MEIOB: variants seen among roughly 807,000 people sequenced by gnomAD.
MEIOB encodes the protein meiosis-specific with OB domain-containing protein.
In MEIOB, 50 loss-of-function variants were observed where a neutral mutation model predicts 53.1. The observed-to-expected ratio is 0.94, with a 90% CI of 0.75 to 1.19. The LOEUF (loss-of-function observed/expected upper bound fraction) is 1.19. Among genes scored for constraint, MEIOB ranks in the 50% most tolerant of loss-of-function variants. The pLI is 0.00. For synonymous variants in MEIOB, 192 were observed against 182.5 expected (o/e 1.05, Z -0.42); for missense variants, 551 against 550.8 (o/e 1.00, Z 0.00).
intron 1 of MEIOB, among the ~76,000 whole-genome samples, chr16:1,871,455 G>A (rs1212329680): frequency 2.3e-5 from 3 of 131,092 alleles, no homozygotes; most frequent in Non-Finnish European, 4.8e-5. Context: ...TCCTGACCTC[G>A]TGATCCACCC....
intron 1 of MEIOB, among the ~76,000 whole-genome samples, chr16:1,871,496 GGCT>G (rs1276312728): frequency 7.2e-6 from 1 of 138,828 alleles, no homozygotes; most frequent in Admixed American, 7.5e-5. Flanking sequence ...TGGGATTACA[GGCT>G]TGAGCCACCG....
chr16:1,871,519 CTTTTTTTTTT>C (rs71148106), intron 1 of MEIOB, among the ~76,000 whole-genome samples: 2 of 39,782 alleles, frequency 5.0e-5, no homozygotes, highest in Admixed American at 4.7e-4. Flanking sequence ...GCGCCCGGCC[CTTTTTTTTTT>C]TTTTTTTTTT....
chr16:1,841,219 T>C (rs1400956789), intron 11 of MEIOB: 1 of 151,980 alleles, frequency 6.6e-6, no homozygotes, highest in Non-Finnish European at 1.5e-5. Flanking sequence ...TGTTTCGCTA[T>C]ATTGGCCAGG....
chr16:1,847,670 T>C (rs2142084612), intron 9 of MEIOB, among the ~76,000 whole-genome samples: 1 of 152,130 alleles, frequency 6.6e-6, no homozygotes, highest in African/African-American at 2.4e-5. Context: ...AACTACTTTG[T>C]GATTACTTTA....
intron 9 of MEIOB, among the ~76,000 whole-genome samples, chr16:1,850,213 C>CT (rs1290654037): frequency 2.6e-5 from 4 of 152,152 alleles, no homozygotes; most frequent in Non-Finnish European, 5.9e-5. Context: ...ACAAATCTGT[C>CT]TTTTAGAAAC....
intron 9 of MEIOB, among the ~76,000 whole-genome samples, chr16:1,850,707 T>C (rs1460043393): frequency 6.6e-6 from 1 of 151,720 alleles, no homozygotes; most frequent in African/African-American, 2.4e-5. Context: ...GATCACACGG[T>C]CAGGAGATTG....
chr16:1,871,519 C>CTT (rs71148106), intron 1 of MEIOB, among the ~76,000 whole-genome samples: 5,541 of 40,028 alleles, frequency 0.14, 797 homozygotes, highest in African/African-American at 0.19. Context: ...GCGCCCGGCC[C>CTT]TTTTTTTTTT....
intron 9 of MEIOB, among the ~76,000 whole-genome samples, chr16:1,852,062 G>C (rs1376087242): frequency 1.3e-5 from 2 of 152,236 alleles, no homozygotes; most frequent in East Asian, 3.9e-4. Flanking sequence ...GTGCAGTTAT[G>C]AGCTAATGAT....
intron 13 of MEIOB, among the ~76,000 whole-genome samples, chr16:1,835,055 G>T (rs1010935113): frequency 9.3e-5 from 14 of 150,844 alleles, no homozygotes; most frequent in African/African-American, 3.4e-4. Context: ...TGAAGTTCAA[G>T]ACCAGCCTGG....
intron 4 of MEIOB, 148 bp from the exon 5 acceptor site, chr16:1,860,623 A>G (rs913132724): frequency 5.0e-6 from 3 of 595,070 alleles, no homozygotes; most frequent in Non-Finnish European, 8.9e-6. Context: ...CATCATCAAC[A>G]TATAACATAT....
intron 12 of MEIOB, 105 bp from the exon 13 acceptor site, chr16:1,837,975 T>C: frequency 6.9e-7 from 1 of 1,443,606 alleles, no homozygotes; most frequent in African/African-American, 1.4e-5. Flanking sequence ...TGAAATTTTA[T>C]TTGCAGTAAT....
At chr16:1,853,739 C>A (rs1471408773) in intron 7 of MEIOB, among the ~76,000 whole-genome samples, 3 of 152,196 alleles carry the variant, frequency 2.0e-5, no homozygotes, top group Admixed American at 1.3e-4. Context: ...GCAGTCCCCA[C>A]CCTGGCCCAC....
chr16:1,839,313 C>T lies in MEIOB; in HGVS notation c.1160G>A (p.Gly387Asp), dbSNP rs779119124. ...HVLIDLTDHT[G>D]TLHSCSLTGS... The stretch of plus-strand genomic sequence containing the variant: ...TGTGAGACTACAGGAATGAAGGGTG[C>T]CTGTGTGATCAGTCAGATCAATCAG... The change falls in exon 12 of 14, where the codon GGC (glycine) becomes GAC (aspartate). Residue 387 changes from glycine to aspartate, a missense_variant. By Grantham distance (94) the Gly-to-Asp change is moderately conservative. Coordinates refer to ENST00000325962, the MANE Select transcript of MEIOB (RefSeq NM_001163560.3). The T allele has an allele frequency of 3.7e-6, 6 of 1,613,992 alleles. No homozygotes were observed. In the African/African-American group the frequency reaches 6.7e-5, roughly 18 times the overall value.
intron 9 of MEIOB, among the ~76,000 whole-genome samples, chr16:1,848,223 G>C (rs1231560420): frequency 6.6e-6 from 1 of 152,054 alleles, no homozygotes; most frequent in East Asian, 1.9e-4. Context: ...ATCAGTGACT[G>C]CTACTGATAT....
chr16:1,863,177 C>T (rs1899490776), intron 3 of MEIOB, among the ~76,000 whole-genome samples: 1 of 151,910 alleles, frequency 6.6e-6, no homozygotes, highest in African/African-American at 2.4e-5. Flanking sequence ...TTTGAATGCA[C>T]CACTGCACTC....
Position 1,858,102 on chromosome 16 carries a change from A to T in MEIOB, c.333-172T>A, listed in dbSNP as rs552308103. ...GCAAAACATTTTTTGTTTACAGTGC[A>T]CTTTCATTAAGGAAATGTTTTGAGA... On this transcript the variant is annotated intron_variant, in intron 5 of 13. Coordinates refer to ENST00000325962, the MANE Select transcript of MEIOB (RefSeq NM_001163560.3). Among the ~76,000 whole-genome samples, 6 of 152,344 alleles carry T rather than the reference A, an allele frequency of 3.9e-5. No individual in the cohort carries two copies. The East Asian group carries it at 1.2e-3, about 29-fold the overall frequency.
chr16:1,836,845 T>C (rs965011936), intron 13 of MEIOB, among the ~76,000 whole-genome samples: 3 of 152,216 alleles, frequency 2.0e-5, no homozygotes, highest in African/African-American at 7.2e-5. Flanking sequence ...ATGTGTGCTC[T>C]AGAATGTTTT....
chr16:1,862,929 T>TAACATA (rs1555472746), intron 3 of MEIOB, among the ~76,000 whole-genome samples: 3 of 150,824 alleles, frequency 2.0e-5, no homozygotes, highest in Non-Finnish European at 3.0e-5. Context: ...TAAATAATAA[T>TAACATA]AAAATAAAAA....
intron 5 of MEIOB, among the ~76,000 whole-genome samples, chr16:1,858,927 C>T (rs1899374656): frequency 6.6e-6 from 1 of 152,150 alleles, no homozygotes; most frequent in South Asian, 2.1e-4. Context: ...TCCATGAATA[C>T]TGAGAATCTG....
Sources: gnomAD v4.1 joint callset for allele counts (sites outside exome capture counted in the v4.1 genomes callset) on GRCh38, gnomAD v4.1.1 for gene constraint, MANE v1.5 for transcripts, NCBI Gene and HGNC (gene_info 2026-07-23, HGNC 2026-07-21) for gene names.